Variants in PACSIN2 observed in about 807,000 individuals in gnomAD.
PACSIN2 encodes protein kinase C and casein kinase substrate in neurons protein 2.
PACSIN2 carries 25 observed loss-of-function variants against 63.8 expected under a neutral mutation model. That is an observed-to-expected ratio of 0.39 (90% CI 0.29 to 0.55). PACSIN2 has a LOEUF of 0.55. PACSIN2 is among the 20% of genes least tolerant of loss of function. PACSIN2 has a pLI of 0.62. For missense variants in PACSIN2, 518 were observed against 646.9 expected, an observed-to-expected ratio of 0.80 and a Z score of 2.16; for synonymous variants, 255 against 256.2, an observed-to-expected ratio of 1.00 and a Z score of 0.05.
rs764855768 is a variant in PACSIN2 at position 42,884,362 on chromosome 22, T to C, written c.785+24A>G. Reference sequence around the variant, plus strand: ...TTTCCGTTGACTTCAATGACGTGTGTGTTTTAGCTCAAAGGAAACTTACCC... The same window carrying C: ...TTTCCGTTGACTTCAATGACGTGTGCGTTTTAGCTCAAAGGAAACTTACCC... On this transcript the variant is annotated intron_variant, in intron 6 of 10. Coordinates refer to ENST00000263246, the MANE Select transcript of PACSIN2 (RefSeq NM_001184970.3). 2.5e-6 allele frequency: 4 copies of C among 1,599,424 alleles called. No homozygotes were observed. The South Asian group carries it at 3.4e-5, about 13-fold the overall frequency.
At chr22:42,909,379 T>C in intron 2 of PACSIN2, 1 of 367,626 alleles carries the variant, frequency 2.7e-6, no homozygotes. Flanking sequence ...CCACAAGGCT[T>C]TCTTTGGAAA....
chr22:42,875,864 G>A (rs773835629), intron 10 of PACSIN2, among the ~76,000 whole-genome samples: 2 of 152,188 alleles, frequency 1.3e-5, no homozygotes, highest in Non-Finnish European at 1.5e-5. Flanking sequence ...TGTAGAGACA[G>A]GTTTTGCCAT....
intron 2 of PACSIN2, among the ~76,000 whole-genome samples, chr22:42,898,087 C>T (rs1267457587): frequency 6.6e-6 from 1 of 152,074 alleles, no homozygotes; most frequent in African/African-American, 2.4e-5. Context: ...AGAGCAGCCT[C>T]CAGAGAATGG....
At chr22:42,919,712 G>T (rs958935212) in intron 1 of PACSIN2, among the ~76,000 whole-genome samples, 3 of 134,376 alleles carry the variant, frequency 2.2e-5, no homozygotes, top group Non-Finnish European at 4.7e-5. Context: ...AGTGGAGGTT[G>T]TAGTGAGCCG....
chr22:42,995,948 T>C (rs1923365689), intron 1 of PACSIN2, among the ~76,000 whole-genome samples: 1 of 152,058 alleles, frequency 6.6e-6, no homozygotes, highest in Non-Finnish European at 1.5e-5. Flanking sequence ...TGGCTGGGCG[T>C]GGTGGCTCAC....
At chr22:42,971,878 C>T (rs1447961103) in intron 1 of PACSIN2, among the ~76,000 whole-genome samples, 2 of 151,524 alleles carry the variant, frequency 1.3e-5, no homozygotes, top group African/African-American at 4.8e-5. Flanking sequence ...CCAGCAGCCC[C>T]GTTCGGGAGG....
chr22:42,877,566 G>A (rs932846722), intron 8 of PACSIN2, among the ~76,000 whole-genome samples: 1 of 152,158 alleles, frequency 6.6e-6, no homozygotes, highest in Non-Finnish European at 1.5e-5. Flanking sequence ...CTGCGGCACC[G>A]TCTTTTCTAG....
rs370132657 is a variant in PACSIN2, at chr22:42,891,445, G to A, written c.218-263C>T. Among the ~76,000 whole-genome samples, 28 of 152,112 alleles carry A rather than the reference G, an allele frequency of 1.8e-4. 2 individuals are homozygous for A. In the South Asian group the frequency reaches 5.4e-3, roughly 29 times the overall value. On this transcript the variant is annotated intron_variant, in intron 3 of 10. Coordinates refer to ENST00000263246, the MANE Select transcript of PACSIN2 (RefSeq NM_001184970.3). Reference sequence around the variant, plus strand: ...GATGGAGTTTCGCTCTTATTGTCCCGGCTGGAGTGCAGAGACGTGATCTTG... The same window carrying A: ...GATGGAGTTTCGCTCTTATTGTCCCAGCTGGAGTGCAGAGACGTGATCTTG...
At chr22:42,957,584 T>C (rs961150999) in intron 1 of PACSIN2, among the ~76,000 whole-genome samples, 3 of 152,206 alleles carry the variant, frequency 2.0e-5, no homozygotes, top group African/African-American at 7.2e-5. Flanking sequence ...TCTGGAAAAT[T>C]GTGAGTAAAT....
At chr22:42,940,312 G>C (rs1278719421) in intron 1 of PACSIN2, among the ~76,000 whole-genome samples, 1 of 152,206 alleles carries the variant, frequency 6.6e-6, no homozygotes, top group East Asian at 1.9e-4. Context: ...AGTGCAGAGT[G>C]AGTCATTAGA....
chr22:42,934,591 C>T (rs555895592), intron 1 of PACSIN2, among the ~76,000 whole-genome samples: 17 of 152,360 alleles, frequency 1.1e-4, no homozygotes, highest in African/African-American at 2.6e-4. Context: ...CTGAGACTGC[C>T]GCCTTGCTGG....
At chr22:42,990,604 G>A (rs1232036988) in intron 1 of PACSIN2, among the ~76,000 whole-genome samples, 1 of 152,186 alleles carries the variant, frequency 6.6e-6, no homozygotes, top group Non-Finnish European at 1.5e-5. Context: ...GCAAAGACGG[G>A]AAGAATGGCA....
At chr22:42,932,650 A>C (rs946689477) in intron 1 of PACSIN2, among the ~76,000 whole-genome samples, 1 of 152,166 alleles carries the variant, frequency 6.6e-6, no homozygotes, top group Non-Finnish European at 1.5e-5. Flanking sequence ...ATCTTGGATT[A>C]CACAGGAGAG....
chr22:43,013,519 G>A (rs1421583139), intron 1 of PACSIN2, among the ~76,000 whole-genome samples: 2 of 152,210 alleles, frequency 1.3e-5, no homozygotes, highest in African/African-American at 4.8e-5. Context: ...CCATGAGGAG[G>A]CTGCATGCAG....
At chr22:42,970,329 C>G (rs994560215) in intron 1 of PACSIN2, among the ~76,000 whole-genome samples, 18 of 152,192 alleles carry the variant, frequency 1.2e-4, no homozygotes, top group South Asian at 8.3e-4. Context: ...AATTCATCCA[C>G]CAATCTAATA....
At chr22:42,912,297 A>G (rs1476687568) in intron 1 of PACSIN2, 140 bp from the exon 2 acceptor site, 5 of 518,738 alleles carry the variant, frequency 9.6e-6, no homozygotes, top group Non-Finnish European at 1.7e-5. Context: ...AGGTGGCAGA[A>G]AGCCAGTAGA....
At chr22:42,956,383 C>T (rs986682754) in intron 1 of PACSIN2, among the ~76,000 whole-genome samples, 18 of 152,168 alleles carry the variant, frequency 1.2e-4, no homozygotes, top group African/African-American at 4.1e-4. Flanking sequence ...GTAGACACAA[C>T]CTGTTACTTG....
intron 2 of PACSIN2, among the ~76,000 whole-genome samples, chr22:42,905,312 G>A (rs1930997629): frequency 6.6e-6 from 1 of 152,246 alleles, no homozygotes; most frequent in East Asian, 1.9e-4. Context: ...CCGCGTGTGC[G>A]ATGCTCCCGC....
At chr22:42,912,407 C>T (rs1355033694) in intron 1 of PACSIN2, among the ~76,000 whole-genome samples, 1 of 152,188 alleles carries the variant, frequency 6.6e-6, no homozygotes, top group African/African-American at 2.4e-5. Flanking sequence ...GTCCTTGGAT[C>T]TCTGGGCTTG....
Sources: gnomAD v4.1 joint callset for allele counts (sites outside exome capture counted in the v4.1 genomes callset) on GRCh38, gnomAD v4.1.1 for gene constraint, MANE v1.5 for transcripts, NCBI Gene and HGNC (gene_info 2026-07-23, HGNC 2026-07-21) for gene names.